PHF21B: variants seen among roughly 807,000 people sequenced by gnomAD.
The protein encoded by PHF21B is PHD finger protein 4.
Under a neutral mutation model 62.2 loss-of-function variants are expected in PHF21B, and 22 were observed. The observed-to-expected ratio is 0.35, with a 90% confidence interval of 0.25 to 0.51. The LOEUF (loss-of-function observed/expected upper bound fraction) is 0.51, where lower values mean the gene tolerates loss of function less well. PHF21B is among the 20% of genes least tolerant of loss of function. The pLI is 0.97. For missense variants in PHF21B, 701 were observed against 707.9 expected, an observed-to-expected ratio of 0.99 and a Z score of 0.11; for synonymous variants, 341 against 314.7, an observed-to-expected ratio of 1.08 and a Z score of -0.88.
intron 2 of PHF21B, among the ~76,000 whole-genome samples, chr22:44,934,775 C>T (rs1228072289): frequency 6.6e-6 from 1 of 152,248 alleles, no homozygotes; most frequent in Non-Finnish European, 1.5e-5. Context: ...AAAGTCCCCA[C>T]TGCACCCACT....
intron 2 of PHF21B, among the ~76,000 whole-genome samples, chr22:44,931,640 T>TG (rs136690): frequency 0.059 from 3,197 of 54,328 alleles, 103 homozygotes; most frequent in African/African-American, 0.13. Context: ...GTTGTGATCT[T>TG]GGGGGGGGGG....
At chr22:44,983,549 C>G (rs1401653910) in intron 2 of PHF21B, among the ~76,000 whole-genome samples, 1 of 152,178 alleles carries the variant, frequency 6.6e-6, no homozygotes, top group African/African-American at 2.4e-5. Context: ...CCTGGGCCGT[C>G]GCAAACACCA....
intron 5 of PHF21B, 103 bp from the exon 6 acceptor site, chr22:44,896,186 G>A: frequency 1.5e-6 from 2 of 1,301,920 alleles, no homozygotes; most frequent in Non-Finnish European, 2.2e-6. Flanking sequence ...TACCTCATGG[G>A]TGCCCTAACC....
At chr22:45,000,031 T>A (rs933488146) in intron 2 of PHF21B, among the ~76,000 whole-genome samples, 1 of 151,998 alleles carries the variant, frequency 6.6e-6, no homozygotes, top group Non-Finnish European at 1.5e-5. Flanking sequence ...CATGAACTAT[T>A]ATTAATCCCC....
intron 5 of PHF21B, among the ~76,000 whole-genome samples, chr22:44,913,523 G>A (rs186665829): frequency 2.5e-4 from 38 of 152,326 alleles, no homozygotes; most frequent in African/African-American, 7.7e-4. Context: ...AAACAGACGC[G>A]AGCTGCTCAC....
At chr22:44,889,027 C>T (rs2070912664) in intron 9 of PHF21B, among the ~76,000 whole-genome samples, 1 of 152,240 alleles carries the variant, frequency 6.6e-6, no homozygotes, top group South Asian at 2.1e-4. Context: ...CCAGGCCCCC[C>T]AGCACCAACC....
At chr22:44,960,119 T>C (rs2072387938) in intron 2 of PHF21B, among the ~76,000 whole-genome samples, 1 of 152,148 alleles carries the variant, frequency 6.6e-6, no homozygotes, top group Non-Finnish European at 1.5e-5. Context: ...TGGCACCCAG[T>C]AGATGCTAAG....
chr22:44,987,080 G>A (rs892110449), intron 2 of PHF21B, among the ~76,000 whole-genome samples: 16 of 152,186 alleles, frequency 1.1e-4, no homozygotes, highest in Non-Finnish European at 1.5e-4. Flanking sequence ...TCGTGTTTAC[G>A]CACAGAAGAG....
At chr22:45,008,210 G>A (rs890054094) in intron 2 of PHF21B, 10 of 218,310 alleles carry the variant, frequency 4.6e-5, no homozygotes, top group Non-Finnish European at 8.1e-5. Flanking sequence ...CGCCCCCATG[G>A]CCGCCTCAGC....
intron 5 of PHF21B, among the ~76,000 whole-genome samples, chr22:44,898,211 G>T (rs965391879): frequency 6.6e-6 from 1 of 152,104 alleles, no homozygotes; most frequent in Non-Finnish European, 1.5e-5. Context: ...TTGGTGACCT[G>T]GACAGCTTGA....
At chr22:44,928,843 C>G (rs1235431684) in intron 2 of PHF21B, among the ~76,000 whole-genome samples, 3 of 152,228 alleles carry the variant, frequency 2.0e-5, no homozygotes, top group African/African-American at 7.2e-5. Flanking sequence ...TCTCCAGAGT[C>G]TTCACCCACC....
chr22:44,891,149 G>T (rs536019546), intron 8 of PHF21B, among the ~76,000 whole-genome samples, 157 bp downstream of exon 8: 44 of 152,296 alleles, frequency 2.9e-4, no homozygotes, highest in Non-Finnish European at 1.2e-4. Context: ...GGGGAGGTGG[G>T]AGGCTCCTCT....
chr22:44,892,110 A>G (rs1017466136), intron 7 of PHF21B, among the ~76,000 whole-genome samples: 6 of 152,204 alleles, frequency 3.9e-5, no homozygotes, highest in Non-Finnish European at 8.8e-5. Flanking sequence ...TCGTCCACAC[A>G]GCAGCCTGCA....
intron 2 of PHF21B, among the ~76,000 whole-genome samples, chr22:44,985,172 C>T (rs536530211): frequency 6.6e-6 from 1 of 152,282 alleles, no homozygotes; most frequent in Admixed American, 6.5e-5. Context: ...AATCTAACAG[C>T]AATATCATTT....
chr22:44,891,375 A>C lies in PHF21B; in HGVS notation c.961-15T>G. On this transcript the variant is annotated splice_polypyrimidine_tract_variant and intron_variant, in intron 7 of 12. Transcript: ENST00000313237. ...AGCCGTTTCCTCTGCAGGGACAGAAAACAAAACAACACACCCCATCATCTG... is the reference window on the plus strand; with the variant it reads ...AGCCGTTTCCTCTGCAGGGACAGAACACAAAACAACACACCCCATCATCTG... 1.2e-6 allele frequency: 2 copies of C among 1,613,034 alleles called. No individual in the cohort carries two copies. The highest frequency in any genetic ancestry group is 1.7e-6 in the Non-Finnish European group (2 of 1,179,692).
chr22:44,940,666 G>A (rs997335728), intron 2 of PHF21B, among the ~76,000 whole-genome samples: 1 of 152,224 alleles, frequency 6.6e-6, no homozygotes, highest in African/African-American at 2.4e-5. Context: ...ATAACTGGGA[G>A]GGAGGGACTT....
At chr22:44,925,513 G>C (rs545109380) in intron 2 of PHF21B, among the ~76,000 whole-genome samples, 1 of 152,262 alleles carries the variant, frequency 6.6e-6, no homozygotes, top group Non-Finnish European at 1.5e-5. Flanking sequence ...TGTCCTCTGA[G>C]CCAACTGCCT....
intron 2 of PHF21B, chr22:45,001,248 G>A (rs2073212700): frequency 6.6e-6 from 1 of 152,330 alleles, no homozygotes; most frequent in South Asian, 2.1e-4. Context: ...GTGTCCTGAA[G>A]ATTCACCAGC....
intron 2 of PHF21B, among the ~76,000 whole-genome samples, chr22:44,981,702 A>G (rs908324712): frequency 6.6e-6 from 1 of 152,202 alleles, no homozygotes; most frequent in South Asian, 2.1e-4. Flanking sequence ...GGGAGGGGAC[A>G]CTGGCTTTTC....
Sources: gnomAD v4.1 joint callset for allele counts (sites outside exome capture counted in the v4.1 genomes callset) on GRCh38, gnomAD v4.1.1 for gene constraint, MANE v1.5 for transcripts, NCBI Gene and HGNC (gene_info 2026-07-23, HGNC 2026-07-21) for gene names.